Variants in LGSN observed in about 807,000 individuals in gnomAD.
The protein encoded by LGSN is lengsin.
In LGSN, 21 loss-of-function variants were observed where a neutral mutation model predicts 19.5. The ratio of observed to expected loss-of-function variants is 1.07; its 90% CI spans 0.76 to 1.55. The LOEUF is 1.55. Among genes scored for constraint, LGSN ranks in the 40% most tolerant of loss-of-function variants. The probability of loss-of-function intolerance (pLI) is 0.00; values close to 1 mark genes in which losing one functional copy is unlikely to be tolerated. For missense variants in LGSN, 673 were observed against 608.5 expected, an observed-to-expected ratio of 1.11 and a Z score of -1.12; for synonymous variants, 257 against 215.6, an observed-to-expected ratio of 1.19 and a Z score of -1.68.
intron 1 of LGSN, among the ~76,000 whole-genome samples, chr6:63,303,731 A>G (rs543089783): frequency 3.9e-5 from 6 of 152,298 alleles, no homozygotes; most frequent in Admixed American, 6.5e-5. Context: ...CAAACCCTTC[A>G]TGGTCTAAAA....
chr6:63,343,898 G>A, the LGSN span, among the ~76,000 whole-genome samples: 2 of 152,164 alleles, frequency 1.3e-5, no homozygotes. Flanking sequence ...TTGCTGGCTT[G>A]AAGACAGAGG....
At chr6:63,336,701 C>T in the LGSN span, among the ~76,000 whole-genome samples, 2 of 151,402 alleles carry the variant, frequency 1.3e-5, no homozygotes, top group African/African-American at 2.4e-5. Flanking sequence ...TCTCGGCTCA[C>T]TGCAACCTCT....
the LGSN span, among the ~76,000 whole-genome samples, chr6:63,339,065 A>AT: frequency 3.0e-3 from 450 of 152,138 alleles, 3 homozygotes; most frequent in African/African-American, 0.01. Flanking sequence ...CTTTGTTTTA[A>AT]TTTCTGAGAC....
intron 1 of LGSN, among the ~76,000 whole-genome samples, chr6:63,306,701 G>A (rs1768402771): frequency 6.6e-6 from 1 of 152,164 alleles, no homozygotes; most frequent in South Asian, 2.1e-4. Context: ...AACTCAAATA[G>A]CAGACAGATT....
the LGSN span, among the ~76,000 whole-genome samples, chr6:63,416,366 T>C: frequency 6.6e-6 from 1 of 152,186 alleles, no homozygotes; most frequent in Non-Finnish European, 1.5e-5. Context: ...AATATATAGA[T>C]ATATCTTTGA....
At chr6:63,444,467 C>T in the LGSN span, among the ~76,000 whole-genome samples, 1 of 152,068 alleles carries the variant, frequency 6.6e-6, no homozygotes, top group Non-Finnish European at 1.5e-5. Flanking sequence ...CTGTTGGGCT[C>T]TTTATATGTA....
chr6:63,347,759 C>A, the LGSN span, among the ~76,000 whole-genome samples: 1,115 of 152,270 alleles, frequency 7.3e-3, 6 homozygotes, highest in Middle Eastern at 0.014. Context: ...CAATTAGTCA[C>A]TAAGTGAAAA....
chr6:63,505,597 G>GAAATAAAT, the LGSN span, among the ~76,000 whole-genome samples: 76 of 117,170 alleles, frequency 6.5e-4, 9 homozygotes, highest in South Asian at 1.8e-3. Context: ...AAGAAAGAAA[G>GAAATAAAT]AAAGAAAGAA....
At chr6:63,445,077 G>T in the LGSN span, among the ~76,000 whole-genome samples, 1 of 152,164 alleles carries the variant, frequency 6.6e-6, no homozygotes, top group Non-Finnish European at 1.5e-5. Flanking sequence ...TTGGAAGGCC[G>T]AGGTGGGCGG....
At chr6:63,560,939 T>C in the LGSN span, among the ~76,000 whole-genome samples, 1 of 152,190 alleles carries the variant, frequency 6.6e-6, no homozygotes, top group African/African-American at 2.4e-5. Flanking sequence ...CAGTAAAGTA[T>C]TGCATAATCA....
the LGSN span, among the ~76,000 whole-genome samples, chr6:63,364,223 G>C: frequency 6.6e-6 from 1 of 151,718 alleles, no homozygotes; most frequent in African/African-American, 2.4e-5. Flanking sequence ...AAAATAAAGG[G>C]ATGGAGGAAG....
At chr6:63,525,689 CA>C in the LGSN span, among the ~76,000 whole-genome samples, 2 of 152,286 alleles carry the variant, frequency 1.3e-5, no homozygotes, top group South Asian at 4.1e-4. Flanking sequence ...CCAACAACCC[CA>C]ACCTTTCACC....
At chr6:63,391,188 T>G in the LGSN span, among the ~76,000 whole-genome samples, 1 of 152,328 alleles carries the variant, frequency 6.6e-6, no homozygotes. Context: ...ATTAAATAAT[T>G]TATTTGCAAT....
At chr6:63,440,306 G>A in the LGSN span, among the ~76,000 whole-genome samples, 3 of 152,190 alleles carry the variant, frequency 2.0e-5, no homozygotes, top group South Asian at 2.1e-4. Context: ...AGTTCAGGCC[G>A]TTTGTAGGTG....
At chr6:63,475,280 GT>G in the LGSN span, among the ~76,000 whole-genome samples, 1 of 127,786 alleles carries the variant, frequency 7.8e-6, no homozygotes, top group Admixed American at 9.2e-5. Context: ...TGACTTTTGG[GT>G]TTGCAACTTC....
chr6:63,369,119 T>A, the LGSN span, among the ~76,000 whole-genome samples: 1 of 152,232 alleles, frequency 6.6e-6, no homozygotes, highest in African/African-American at 2.4e-5. Context: ...CATACACAGA[T>A]AAATGTTGGA....
chr6:63,380,649 T>C, the LGSN span, among the ~76,000 whole-genome samples: 4 of 152,158 alleles, frequency 2.6e-5, no homozygotes, highest in African/African-American at 9.7e-5. Context: ...CAGGATAAAA[T>C]TTGTTCATTG....
At chr6:63,386,378 T>G in the LGSN span, among the ~76,000 whole-genome samples, 6 of 152,290 alleles carry the variant, frequency 3.9e-5, no homozygotes, top group Non-Finnish European at 7.4e-5. Flanking sequence ...TTCAGAGTTT[T>G]GGGGCTTTTT....
chr6:63,485,644 C>G, the LGSN span, among the ~76,000 whole-genome samples: 1 of 152,192 alleles, frequency 6.6e-6, no homozygotes, highest in African/African-American at 2.4e-5. Flanking sequence ...AATTTAGACT[C>G]CCACCAACAG....
Sources: allele counts gnomAD v4.1 joint callset (sites outside exome capture counted in the v4.1 genomes callset), GRCh38; gene constraint gnomAD v4.1.1; transcripts MANE v1.5; gene names NCBI Gene and HGNC (gene_info 2026-07-23, HGNC 2026-07-21).